UBE2D3: variants seen among roughly 807,000 people sequenced by gnomAD.
UBE2D3 encodes ubiquitin-conjugating enzyme E2 D3.
Under a neutral mutation model 22.8 loss-of-function variants are expected in UBE2D3, and 2 were observed. The ratio of observed to expected loss-of-function variants is 0.09; its 90% CI spans 0.04 to 0.28. The LOEUF (loss-of-function observed/expected upper bound fraction) is 0.28. Among genes scored for constraint, UBE2D3 ranks in the 10% least tolerant of loss-of-function variants. UBE2D3 has a pLI of 1.00. For synonymous variants in UBE2D3, 56 were observed against 60.4 expected (o/e 0.93, Z 0.34); for missense variants, 27 against 182.5 (o/e 0.15, Z 4.91).
chr4:102,865,150 G>C lies in UBE2D3; in HGVS notation c.-129+3565C>G, dbSNP rs115879373. 5.1e-3 allele frequency among the ~76,000 whole-genome samples: 775 copies of C among 152,204 alleles called. 8 individuals are homozygous for C. The highest frequency in any genetic ancestry group is 0.018 in the African/African-American group (737 of 41,528). On this transcript the variant is annotated intron_variant, in intron 1 of 7. Coordinates refer to the UBE2D3 transcript ENST00000338145. ...AGACTCCCAGAACACAAATTGTAAA[G>C]AAAAAGATGAATAAATTTGACTACA...
At chr4:102,820,120 T>C (rs1264704510) in intron 2 of UBE2D3, among the ~76,000 whole-genome samples, 1 of 152,072 alleles carries the variant, frequency 6.6e-6, no homozygotes, top group Non-Finnish European at 1.5e-5. Flanking sequence ...CCTAGAAAAA[T>C]ACAAAGGTGC....
At chr4:102,822,860 C>T (rs537300671) in intron 2 of UBE2D3, among the ~76,000 whole-genome samples, 2 of 149,968 alleles carry the variant, frequency 1.3e-5, no homozygotes, top group Admixed American at 1.3e-4. Context: ...GGCGTGAACC[C>T]AGAAGGCAGA....
In UBE2D3 at chr4:102,827,513, C is replaced by A. The variant is rs1730771924; in HGVS notation, c.-215G>T. Reference sequence around the variant, plus strand: ...CCTCCCCGGCCCTACGGGGCTCACGCGCACGACACAGCCACAAGATGTCCG... The same window carrying A: ...CCTCCCCGGCCCTACGGGGCTCACGAGCACGACACAGCCACAAGATGTCCG... On this transcript the variant is annotated 5_prime_UTR_variant, in exon 1 of 8. Coordinates refer to ENST00000453744, the MANE Select transcript of UBE2D3 (RefSeq NM_181891.3). 2 of 985,998 alleles carry A rather than the reference C, an allele frequency of 2.0e-6. No individual in the cohort carries two copies. Among genetic ancestry groups the A allele is most frequent in the African/African-American group, 1.7e-5 (1 of 57,232 alleles). The allele number at this position is 985,998 out of a possible 1,614,324, so 61.1% of individuals were successfully genotyped here. A position where few individuals can be genotyped will look rare whatever the true frequency, so the allele number is the denominator to read the frequency against.
intron 2 of UBE2D3, among the ~76,000 whole-genome samples, chr4:102,819,056 C>A (rs747010996): frequency 4.6e-5 from 7 of 152,136 alleles, no homozygotes; most frequent in Non-Finnish European, 8.8e-5. Context: ...CCTTGCTGGG[C>A]GTGGTGGCTC....
intron 1 of UBE2D3, among the ~76,000 whole-genome samples, chr4:102,867,107 T>C (rs1414328321): frequency 6.6e-6 from 1 of 152,246 alleles, no homozygotes; most frequent in East Asian, 1.9e-4. Flanking sequence ...TTGTAGAATT[T>C]CCATTGTAAG....
intron 2 of UBE2D3, chr4:102,819,716 C>G (rs1729292495): frequency 2.2e-6 from 1 of 445,876 alleles, no homozygotes; most frequent in Admixed American, 6.4e-5. Flanking sequence ...CGATGTTCCA[C>G]AAATCATTTG....
At chr4:102,819,350 C>T (rs1341053439) in intron 2 of UBE2D3, among the ~76,000 whole-genome samples, 1 of 151,810 alleles carries the variant, frequency 6.6e-6, no homozygotes, top group Non-Finnish European at 1.5e-5. Flanking sequence ...AAAAAAATTC[C>T]CTCCTTTCAA....
chr4:102,823,339 G>C (rs80351758), intron 2 of UBE2D3, among the ~76,000 whole-genome samples: 1 of 152,056 alleles, frequency 6.6e-6, no homozygotes, highest in Non-Finnish European at 1.5e-5. Flanking sequence ...TTTCAATTTC[G>C]AGATGGAGAT....
At chr4:102,866,568 T>C (rs113071172) in intron 1 of UBE2D3, among the ~76,000 whole-genome samples, 2,796 of 152,340 alleles carry the variant, frequency 0.018, 82 homozygotes, top group African/African-American at 0.061. Context: ...AATTGAGGTA[T>C]GTATTTTTTA....
intron 6 of UBE2D3, among the ~76,000 whole-genome samples, chr4:102,800,197 A>C (rs920103078): frequency 6.6e-6 from 1 of 152,028 alleles, no homozygotes; most frequent in Non-Finnish European, 1.5e-5. Context: ...AAATGTTAAG[A>C]TATAAATGCT....
chr4:102,839,868 A>G (rs1188296483), intron 1 of UBE2D3, among the ~76,000 whole-genome samples: 2 of 152,262 alleles, frequency 1.3e-5, no homozygotes, highest in Non-Finnish European at 2.9e-5. Context: ...TGTATGGAAG[A>G]AAATATTTAC....
At chr4:102,849,637 G>A (rs223358) in intron 1 of UBE2D3, among the ~76,000 whole-genome samples, 1 of 151,904 alleles carries the variant, frequency 6.6e-6, no homozygotes, top group African/African-American at 2.4e-5. Context: ...CCATTTTTGT[G>A]AAAAACAAAA....
intron 1 of UBE2D3, among the ~76,000 whole-genome samples, chr4:102,833,267 C>G (rs1384834619): frequency 1.3e-5 from 2 of 151,978 alleles, no homozygotes; most frequent in Non-Finnish European, 2.9e-5. Context: ...TCTCAGTTCT[C>G]TTACCACTTT....
At position 102,809,960 on chromosome 4, in the gene UBE2D3, C is replaced by T. The variant is rs1417619085; in HGVS notation, c.25-105G>A. The stretch of plus-strand genomic sequence containing the variant: ...CTTTCACCCTATTTTTAAAGGCACA[C>T]TCCATCACAATTCACATAAATAATA... On this transcript the variant is annotated intron_variant, in intron 2 of 7. Transcript: ENST00000453744. 3.7e-6 allele frequency: 4 copies of T among 1,070,088 alleles called. No individual in the cohort carries two copies. In the African/African-American group the frequency reaches 6.3e-5, roughly 17 times the overall value. 66.3% of individuals were successfully genotyped at this position (1,070,088 alleles called of 1,614,324 possible).
At chr4:102,818,243 T>C (rs1054324832) in intron 2 of UBE2D3, among the ~76,000 whole-genome samples, 6 of 152,192 alleles carry the variant, frequency 3.9e-5, no homozygotes, top group Non-Finnish European at 8.8e-5. Flanking sequence ...ACTAAGAAAC[T>C]GTACTAGCTA....
intron 4 of UBE2D3, among the ~76,000 whole-genome samples, chr4:102,804,272 C>G (rs375668572): frequency 6.6e-6 from 1 of 152,142 alleles, no homozygotes; most frequent in East Asian, 1.9e-4. Flanking sequence ...AAGAGATTCT[C>G]CTGCTTCAGC....
At chr4:102,826,028 G>A (rs573275379) in intron 2 of UBE2D3, among the ~76,000 whole-genome samples, 34 of 152,240 alleles carry the variant, frequency 2.2e-4, no homozygotes, top group Admixed American at 8.5e-4. Context: ...GGACTCGCCA[G>A]ATTTTTTTTC....
intron 4 of UBE2D3, among the ~76,000 whole-genome samples, chr4:102,804,181 A>G (rs893356314): frequency 6.6e-6 from 1 of 152,048 alleles, no homozygotes; most frequent in African/African-American, 2.4e-5. Flanking sequence ...AAGACGCAGA[A>G]TATCATCTTG....
intron 1 of UBE2D3, among the ~76,000 whole-genome samples, chr4:102,835,335 G>A (rs751628030): frequency 1.8e-4 from 27 of 152,208 alleles, no homozygotes; most frequent in Non-Finnish European, 3.2e-4. Context: ...TAAGGAGGAT[G>A]TGTATAAGTT....
Sources: allele counts gnomAD v4.1 joint callset (sites outside exome capture counted in the v4.1 genomes callset), GRCh38; gene constraint gnomAD v4.1.1; transcripts MANE v1.5; gene names NCBI Gene and HGNC (gene_info 2026-07-23, HGNC 2026-07-21).